RBMS3: variants seen among roughly 807,000 people sequenced by gnomAD.
The protein encoded by RBMS3 is RNA-binding motif, single-stranded-interacting protein 3.
Under a neutral mutation model 66.8 loss-of-function variants are expected in RBMS3, and 27 were observed. The ratio of observed to expected loss-of-function variants is 0.40; its 90% CI spans 0.30 to 0.56. RBMS3 has a LOEUF of 0.56. RBMS3 is among the 20% of genes least tolerant of loss of function. The pLI, the probability that RBMS3 is intolerant of heterozygous loss-of-function variation, is 0.40. For synonymous variants in RBMS3, 188 were observed against 183.0 expected (o/e 1.03, Z -0.22); for missense variants, 513 against 549.5 (o/e 0.93, Z 0.66).
rs191172257 is a variant in RBMS3, at chr3:29,513,842, T to C, written c.307+25343T>C. Among the ~76,000 whole-genome samples the C allele has an allele frequency of 8.5e-5, 13 of 152,330 alleles. No individual in the cohort carries two copies. In the East Asian group the frequency reaches 2.5e-3, roughly 29 times the overall value. ...TTCCTTTCCTAATTTCATTCTATAC[T>C]TTCCTTCTTGCCTAGCTTTTCCATA... On this transcript the variant is annotated intron_variant, in intron 3 of 14. Transcript: ENST00000383767.
chr3:29,887,893 C>G (rs182099381), intron 8 of RBMS3, among the ~76,000 whole-genome samples: 46 of 151,786 alleles, frequency 3.0e-4, no homozygotes, highest in Non-Finnish European at 6.5e-4. Context: ...TGTTACAAAT[C>G]GACATAGAAA....
intron 4 of RBMS3, among the ~76,000 whole-genome samples, chr3:29,675,527 C>G (rs1189216767): frequency 1.3e-5 from 2 of 152,048 alleles, no homozygotes; most frequent in South Asian, 2.1e-4. Context: ...CAATCTACCT[C>G]TCTGACAAAG....
chr3:29,281,639 C>A lies in RBMS3; in HGVS notation c.-43C>A. ...GAAGCTCGGCCTGGGGCACTATACC[C>A]TGTCATCCAGTTCCCTGCCTCGGAG... is the stretch of plus-strand genomic sequence containing the variant. On this transcript the variant is annotated 5_prime_UTR_variant, in exon 1 of 15. It adds an upstream start codon to the 5' untranslated region. Coordinates refer to ENST00000383767, the MANE Select transcript of RBMS3 (RefSeq NM_001003793.3). The A allele has an allele frequency of 6.5e-7, 1 of 1,547,020 alleles. No individual in the cohort carries two copies. Among genetic ancestry groups the A allele is most frequent in the East Asian group, 2.3e-5 (1 of 44,354 alleles).
chr3:29,696,934 T>G, intron 4 of RBMS3: 1 of 982,522 alleles, frequency 1.0e-6, no homozygotes, highest in Non-Finnish European at 1.2e-6. Flanking sequence ...CCCCTGGTCG[T>G]TTGGGTTTTT....
At chr3:29,804,993 G>A (rs984790971) in intron 6 of RBMS3, among the ~76,000 whole-genome samples, 1 of 151,432 alleles carries the variant, frequency 6.6e-6, no homozygotes, top group Non-Finnish European at 1.5e-5. Flanking sequence ...GATATGTACT[G>A]AATGAGTTTA....
intron 1 of RBMS3, among the ~76,000 whole-genome samples, chr3:29,378,979 T>TC (rs1265462762): frequency 6.6e-6 from 1 of 152,234 alleles, no homozygotes; most frequent in African/African-American, 2.4e-5. Context: ...GACTTAACTT[T>TC]CTCAGCCTCC....
At chr3:29,830,618 A>T (rs962457128) in intron 6 of RBMS3, among the ~76,000 whole-genome samples, 1 of 152,138 alleles carries the variant, frequency 6.6e-6, no homozygotes, top group Non-Finnish European at 1.5e-5. Context: ...CGTTGATGAT[A>T]ATTTTAGTAC....
chr3:29,790,013 A>G (rs1018006975), intron 6 of RBMS3, among the ~76,000 whole-genome samples: 1 of 152,212 alleles, frequency 6.6e-6, no homozygotes, highest in Non-Finnish European at 1.5e-5. Context: ...AATCTTAAAG[A>G]CAAAAGGTGT....
intron 1 of RBMS3, among the ~76,000 whole-genome samples, chr3:29,340,159 A>G (rs189514378): frequency 6.6e-5 from 10 of 152,284 alleles, no homozygotes; most frequent in Admixed American, 2.0e-4. Flanking sequence ...GACTGGCTAC[A>G]TAATTTGTGG....
intron 4 of RBMS3, among the ~76,000 whole-genome samples, chr3:29,609,105 AAAAAT>A (rs1442740912): frequency 1.2e-4 from 18 of 152,164 alleles, no homozygotes; most frequent in African/African-American, 4.3e-4. Context: ...AAATTACCAG[AAAAAT>A]AAAATAAAGG....
intron 4 of RBMS3, among the ~76,000 whole-genome samples, chr3:29,612,461 G>A (rs2048524931): frequency 6.6e-6 from 1 of 151,950 alleles, no homozygotes; most frequent in African/African-American, 2.4e-5. Context: ...TGTTTTAGTA[G>A]CATCTTTGTT....
intron 6 of RBMS3, among the ~76,000 whole-genome samples, chr3:29,860,048 T>C (rs2059175587): frequency 6.6e-6 from 1 of 152,232 alleles, no homozygotes; most frequent in Non-Finnish European, 1.5e-5. Context: ...ACAAACAAAA[T>C]AGTGTTTTGG....
intron 6 of RBMS3, among the ~76,000 whole-genome samples, chr3:29,781,550 G>T (rs1260629189): frequency 6.6e-6 from 1 of 152,060 alleles, no homozygotes; most frequent in African/African-American, 2.4e-5. Context: ...ATTAATCAGG[G>T]TTAGCTCCTG....
intron 6 of RBMS3, among the ~76,000 whole-genome samples, chr3:29,849,181 TG>T (rs1229444125): frequency 3.3e-5 from 5 of 150,902 alleles, no homozygotes; most frequent in Non-Finnish European, 5.9e-5. Context: ...TGTGTGTGTG[TG>T]TGTGTGTGTG....
At chr3:29,648,864 G>A (rs1013952596) in intron 4 of RBMS3, among the ~76,000 whole-genome samples, 2 of 151,998 alleles carry the variant, frequency 1.3e-5, no homozygotes, top group African/African-American at 4.8e-5. Context: ...ATTTTCAAAG[G>A]CATATGAGCT....
intron 1 of RBMS3, among the ~76,000 whole-genome samples, chr3:29,394,401 C>G (rs1217313305): frequency 6.6e-6 from 1 of 152,028 alleles, no homozygotes; most frequent in African/African-American, 2.4e-5. Flanking sequence ...GTTTTACAAA[C>G]AATTTATATG....
chr3:29,289,840 A>G (rs542116168), intron 1 of RBMS3, among the ~76,000 whole-genome samples: 1 of 152,004 alleles, frequency 6.6e-6, no homozygotes, highest in East Asian at 1.9e-4. Context: ...AGAAATTGGC[A>G]TATATTACAT....
rs556509250 is a variant in RBMS3, at chr3:29,754,777, A to G, written c.558-8133A>G. 5.3e-5 allele frequency among the ~76,000 whole-genome samples: 8 copies of G among 152,360 alleles called. No individual in the cohort carries two copies. In the South Asian group the frequency reaches 6.2e-4, roughly 12 times the overall value. The stretch of plus-strand genomic sequence containing the variant: ...GAAAAAAGAAGAGAAGTTGTTTATC[A>G]AGACTTTTCGTTAAGATAACATAAG... On this transcript the variant is annotated intron_variant, in intron 5 of 14. Coordinates refer to ENST00000383767, the MANE Select transcript of RBMS3 (RefSeq NM_001003793.3).
At chr3:29,577,505 C>T (rs927009620) in intron 3 of RBMS3, among the ~76,000 whole-genome samples, 6 of 152,142 alleles carry the variant, frequency 3.9e-5, no homozygotes, top group African/African-American at 1.4e-4. Flanking sequence ...GTCCCTGTGC[C>T]CTTGACTGCC....
Sources: allele counts gnomAD v4.1 joint callset (sites outside exome capture counted in the v4.1 genomes callset), GRCh38; gene constraint gnomAD v4.1.1; transcripts MANE v1.5; gene names NCBI Gene and HGNC (gene_info 2026-07-23, HGNC 2026-07-21).